Variants in ACACA observed in about 807,000 individuals in gnomAD.
ACACA encodes acetyl-CoA carboxylase alpha, also known as acetyl-CoA carboxylase 1.
ACACA carries 103 observed loss-of-function variants against 296.1 expected under a neutral mutation model. The ratio of observed to expected loss-of-function variants is 0.35; its 90% CI spans 0.30 to 0.41. The LOEUF (loss-of-function observed/expected upper bound fraction) is 0.41. Ranked by LOEUF, ACACA falls within the 10% of genes least tolerant of loss-of-function variation. ACACA has a pLI of 1.00. For synonymous variants in ACACA, 953 were observed against 1,038.6 expected, an observed-to-expected ratio of 0.92 and a Z score of 1.58; for missense variants, 1,554 against 2,989.7, an observed-to-expected ratio of 0.52 and a Z score of 11.20.
chr17:37,267,288 T>C (rs755992566), intron 10 of ACACA, among the ~76,000 whole-genome samples: 4 of 152,142 alleles, frequency 2.6e-5, no homozygotes, highest in Non-Finnish European at 4.4e-5. Context: ...TCAAATATGG[T>C]CTCATTTACA....
At chr17:37,317,742 C>G (rs913627020) in intron 3 of ACACA, among the ~76,000 whole-genome samples, 1 of 152,168 alleles carries the variant, frequency 6.6e-6, no homozygotes, top group African/African-American at 2.4e-5. Context: ...CACTGTCAAG[C>G]AGCTGTACCG....
At chr17:37,323,871 A>G (rs532942221) in intron 3 of ACACA, among the ~76,000 whole-genome samples, 1 of 152,310 alleles carries the variant, frequency 6.6e-6, no homozygotes, top group East Asian at 1.9e-4. Context: ...ATCCCATAGG[A>G]GCAGAGAAAC....
chr17:37,363,183 T>TC lies in ACACA; in HGVS notation c.39-23334_39-23333insG, dbSNP rs1348180532. On this transcript the variant is annotated intron_variant, in intron 1 of 55. Coordinates refer to ENST00000616317, the MANE Select transcript of ACACA (RefSeq NM_198834.3). ...TTCTTTTCTCTTTCTCTTTTTCTTT[T>TC]TTTTTTTTTTTTTTTTTTTGAGACG... is the stretch of plus-strand genomic sequence containing the variant. Among the ~76,000 whole-genome samples, 616 of 120,240 alleles carry TC rather than the reference T, an allele frequency of 5.1e-3. 1 individual carries two copies. The highest frequency in any genetic ancestry group is 0.016 in the Middle Eastern group (4 of 256). The allele number at this position is 120,240 out of a possible 152,430, so 78.9% of individuals were successfully genotyped here. A position where few individuals can be genotyped will look rare whatever the true frequency, so the allele number is the denominator to read the frequency against.
At chr17:37,144,017 C>T in intron 45 of ACACA, 2 of 783,040 alleles carry the variant, frequency 2.6e-6, no homozygotes, top group Non-Finnish European at 4.7e-6. Context: ...CTCTTGGGTG[C>T]ATTGGGATCC....
chr17:37,134,856 T>C (rs553965032), intron 45 of ACACA, among the ~76,000 whole-genome samples: 32 of 152,352 alleles, frequency 2.1e-4, no homozygotes, highest in Non-Finnish European at 4.1e-4. Flanking sequence ...ACTTCATCCA[T>C]GATTCTAGAT....
intron 2 of ACACA, among the ~76,000 whole-genome samples, chr17:37,337,566 A>G (rs2048183543): frequency 6.6e-6 from 1 of 151,924 alleles, no homozygotes; most frequent in African/African-American, 2.4e-5. Flanking sequence ...CAATCCTCCA[A>G]CCTCAACCTC....
chr17:37,108,037 A>C (rs2073784690), intron 52 of ACACA, among the ~76,000 whole-genome samples: 1 of 152,186 alleles, frequency 6.6e-6, no homozygotes, highest in Non-Finnish European at 1.5e-5. Context: ...CCTTAAGGCA[A>C]CCAAATGGTA....
At chr17:37,186,732 T>C (rs541405326) in intron 39 of ACACA, among the ~76,000 whole-genome samples, 1 of 152,268 alleles carries the variant, frequency 6.6e-6, no homozygotes, top group African/African-American at 2.4e-5. Flanking sequence ...AGCGTTTTCC[T>C]TCAGGTTGAA....
chr17:37,170,593 C>T (rs1460622241), intron 41 of ACACA, among the ~76,000 whole-genome samples: 2 of 152,072 alleles, frequency 1.3e-5, no homozygotes, highest in African/African-American at 4.8e-5. Context: ...GTAACACCAG[C>T]GATACAGAAA....
intron 3 of ACACA, among the ~76,000 whole-genome samples, chr17:37,324,766 C>T (rs1302640881): frequency 7.1e-6 from 1 of 140,116 alleles, no homozygotes; most frequent in Admixed American, 7.4e-5. Flanking sequence ...ACCCGGGAGG[C>T]GGAGGTTGTG....
chr17:37,193,335 TA>T, intron 36 of ACACA, 38 bp downstream of exon 36: 4 of 1,488,788 alleles, frequency 2.7e-6, no homozygotes, highest in Non-Finnish European at 2.8e-6. Flanking sequence ...TAAGAAAAAG[TA>T]ATTTTTTTTT....
intron 3 of ACACA, among the ~76,000 whole-genome samples, chr17:37,312,273 T>C (rs1273225611): frequency 1.3e-5 from 2 of 152,114 alleles, no homozygotes; most frequent in African/African-American, 2.4e-5. Context: ...AATTGTCTAC[T>C]GCAACTGGAA....
At chr17:37,157,486 G>A (rs2076296120) in intron 42 of ACACA, among the ~76,000 whole-genome samples, 1 of 146,712 alleles carries the variant, frequency 6.8e-6, no homozygotes, top group African/African-American at 2.5e-5. Context: ...TTTAAGTGGA[G>A]AAAAATTTTG....
intron 3 of ACACA, among the ~76,000 whole-genome samples, chr17:37,291,870 T>C (rs2083085222): frequency 1.3e-5 from 2 of 151,968 alleles, no homozygotes; most frequent in Non-Finnish European, 2.9e-5. Flanking sequence ...TAAGATAAAA[T>C]TAAACATGAA....
At chr17:37,190,844 A>G (rs1204901274) in intron 38 of ACACA, among the ~76,000 whole-genome samples, 1 of 152,244 alleles carries the variant, frequency 6.6e-6, no homozygotes, top group East Asian at 1.9e-4. Flanking sequence ...AGGTACCAAC[A>G]AAAGAAAATG....
chr17:37,229,143 C>G (rs868644711), intron 25 of ACACA, among the ~76,000 whole-genome samples: 1 of 106,170 alleles, frequency 9.4e-6, no homozygotes, highest in Non-Finnish European at 2.1e-5. Context: ...GACTCCGTCT[C>G]AAAAAAAAAA....
chr17:37,402,814 A>C (rs1363478172), intron 1 of ACACA, among the ~76,000 whole-genome samples: 1 of 151,904 alleles, frequency 6.6e-6, no homozygotes, highest in Non-Finnish European at 1.5e-5. Context: ...CTGGGACTAC[A>C]GGCGCCCACC....
At chr17:37,269,008 T>A (rs1466071624) in intron 10 of ACACA, among the ~76,000 whole-genome samples, 3 of 145,746 alleles carry the variant, frequency 2.1e-5, no homozygotes, top group Non-Finnish European at 4.5e-5. Flanking sequence ...TCTGAGTCAC[T>A]GATCTACCTA....
intron 25 of ACACA, among the ~76,000 whole-genome samples, chr17:37,233,370 C>A (rs1051734786): frequency 6.6e-6 from 1 of 152,226 alleles, no homozygotes. Context: ...TACAATCACT[C>A]CGCAAAAGGA....
Sources: allele counts gnomAD v4.1 joint callset (sites outside exome capture counted in the v4.1 genomes callset), GRCh38; gene constraint gnomAD v4.1.1; transcripts MANE v1.5; gene names NCBI Gene and HGNC (gene_info 2026-07-23, HGNC 2026-07-21).